PARP11: variants seen among roughly 807,000 people sequenced by gnomAD.
PARP11 encodes the protein poly(ADP-ribose) polymerase family member 11.
Under a neutral mutation model 42.9 loss-of-function variants are expected in PARP11, and 31 were observed. The ratio of observed to expected loss-of-function variants is 0.72; its 90% CI spans 0.54 to 0.98. The LOEUF is 0.98. PARP11 is among the 50% of genes least tolerant of loss of function. The pLI, the probability that PARP11 is intolerant of heterozygous loss-of-function variation, is 0.00. For missense variants in PARP11, 365 were observed against 413.1 expected, an observed-to-expected ratio of 0.88 and a Z score of 1.01; for synonymous variants, 137 against 127.3, an observed-to-expected ratio of 1.08 and a Z score of -0.51.
At chr12:3,851,887 A>G (rs569421609) in intron 1 of PARP11, among the ~76,000 whole-genome samples, 47 of 152,280 alleles carry the variant, frequency 3.1e-4, no homozygotes, top group Admixed American at 2.8e-3. Flanking sequence ...ATACAGTCGG[A>G]TGCCCCTCTG....
chr12:3,872,293 T>A (rs76968637), intron 1 of PARP11, among the ~76,000 whole-genome samples: 59 of 152,288 alleles, frequency 3.9e-4, no homozygotes, highest in African/African-American at 1.3e-3. Context: ...AATAGAGATC[T>A]CCCTGGTCTC....
chr12:3,836,560 A>G (rs552840302), intron 1 of PARP11, among the ~76,000 whole-genome samples: 4 of 152,338 alleles, frequency 2.6e-5, no homozygotes, highest in East Asian at 3.9e-4. Flanking sequence ...GGTAAAAGGT[A>G]TAATTGCTGA....
At chr12:3,849,295 C>T (rs528522242) in intron 1 of PARP11, among the ~76,000 whole-genome samples, 3 of 152,098 alleles carry the variant, frequency 2.0e-5, no homozygotes, top group South Asian at 4.2e-4. Context: ...CCAGCAACTC[C>T]ACGACTGAGT....
chr12:3,825,039 T>G (rs994910369), intron 4 of PARP11, among the ~76,000 whole-genome samples: 1 of 151,428 alleles, frequency 6.6e-6, no homozygotes, highest in Non-Finnish European at 1.5e-5. Context: ...TTAAAATATT[T>G]CTTTCTTTAA....
In PARP11 at chr12:3,846,752, G is replaced by A. The variant is rs1421606766; in HGVS notation, c.19-16734C>T. Among the ~76,000 whole-genome samples, 18 of 136,428 alleles carry A rather than the reference G, an allele frequency of 1.3e-4. 1 individual carries two copies. The South Asian group carries it at 1.8e-3, about 13-fold the overall frequency. 89.5% of individuals were successfully genotyped at this position (136,428 alleles called of 152,430 possible). ...AGCCTGGGCAACAGAGCGAGACTCC[G>A]TCTTAAAAAAAAAAAAAAAGAAAAG... On this transcript the variant is annotated intron_variant, in intron 1 of 7. Transcript: ENST00000228820.
chr12:3,872,974 C>A (rs1306751226), intron 1 of PARP11: 1 of 190,342 alleles, frequency 5.3e-6, no homozygotes, highest in Admixed American at 6.5e-5. Flanking sequence ...TGAAACATCA[C>A]GGGAAGTAAA....
intron 1 of PARP11, among the ~76,000 whole-genome samples, chr12:3,868,436 G>T (rs1455334791): frequency 6.6e-6 from 1 of 152,120 alleles, no homozygotes; most frequent in African/African-American, 2.4e-5. Flanking sequence ...CTCCAGCTTG[G>T]GTGACAGACT....
chr12:3,831,260 T>C (rs1331666825), intron 1 of PARP11, among the ~76,000 whole-genome samples: 3 of 152,018 alleles, frequency 2.0e-5, no homozygotes, highest in African/African-American at 7.2e-5. Flanking sequence ...TCTCTCTCTC[T>C]CACTCTGTTT....
rs1947132753 is a variant in PARP11, at chr12:3,809,767, G to A, written c.*2356C>T. On this transcript the variant is annotated 3_prime_UTR_variant, in exon 8 of 8. Coordinates refer to ENST00000228820, the MANE Select transcript of PARP11 (RefSeq NM_020367.6). ...CTCTAACATTGTTTTTTGTGAACGG[G>A]TTTAGAGCCATGGTATGCTGCCTCT... The A allele has an allele frequency of 6.6e-6, 1 of 152,156 alleles. No homozygotes were observed. The allele number at this position is 152,156 out of a possible 1,614,324, so 9.4% of individuals were successfully genotyped here.
At chr12:3,839,152 G>GGCCGCCGCCGCCGCCTGCCGCCT (rs1947832639) in intron 1 of PARP11, among the ~76,000 whole-genome samples, 1 of 149,164 alleles carries the variant, frequency 6.7e-6, no homozygotes, top group Non-Finnish European at 1.5e-5. Context: ...CGCTGCCTCG[G>GGCCGCCGCCGCCGCCTGCCGCCT]GCCGCCGCCG....
intron 1 of PARP11, among the ~76,000 whole-genome samples, chr12:3,838,047 T>TCAA (rs113625533): frequency 6.9e-6 from 1 of 145,430 alleles, no homozygotes; most frequent in African/African-American, 2.6e-5. Flanking sequence ...AGCCAGAAAA[T>TCAA]CAACAACAAC....
Position 3,817,266 on chromosome 12 carries a change from G to C in PARP11, c.549-3078C>G, listed in dbSNP as rs942104197. Among the ~76,000 whole-genome samples, 43 of 152,062 alleles carry C rather than the reference G, an allele frequency of 2.8e-4. 1 individual carries two copies. Among genetic ancestry groups the C allele is most frequent in the African/African-American group, 8.2e-4 (34 of 41,378 alleles). ...AATCTCGGTTTGAAAATTCACTGGA[G>C]TTTCTCTTAGATATTATAAATAAAC... On this transcript the variant is annotated intron_variant, in intron 6 of 7. Coordinates refer to ENST00000228820, the MANE Select transcript of PARP11 (RefSeq NM_020367.6).
chr12:3,857,603 A>G (rs904037672), intron 1 of PARP11, among the ~76,000 whole-genome samples: 3 of 152,120 alleles, frequency 2.0e-5, no homozygotes, highest in Admixed American at 6.6e-5. Flanking sequence ...CACTGTATTC[A>G]AGGAGTAAAT....
chr12:3,849,409 A>C (rs1285459638), intron 1 of PARP11, among the ~76,000 whole-genome samples: 1 of 152,234 alleles, frequency 6.6e-6, no homozygotes, highest in Non-Finnish European at 1.5e-5. Context: ...CAACCTAAGT[A>C]TCCATCCATG....
chr12:3,823,456 G>C (rs1366512333), intron 4 of PARP11, among the ~76,000 whole-genome samples: 2 of 152,266 alleles, frequency 1.3e-5, no homozygotes, highest in Admixed American at 1.3e-4. Context: ...ACAGTGCATA[G>C]AGAGCATCAT....
rs118120762 is a variant in PARP11 at position 3,845,636 on chromosome 12, C to T, written c.19-15618G>A. ...CACTCTAGTGTAGCTGAAGAGAATACGTATTTGGCTACACTATTTCTGTGT... is the reference window on the plus strand; with the variant it reads ...CACTCTAGTGTAGCTGAAGAGAATATGTATTTGGCTACACTATTTCTGTGT... On this transcript the variant is annotated intron_variant, in intron 1 of 7. Coordinates refer to ENST00000228820, the MANE Select transcript of PARP11 (RefSeq NM_020367.6). Among the ~76,000 whole-genome samples, 56 of 152,274 alleles carry T rather than the reference C, an allele frequency of 3.7e-4. No homozygotes were observed. In the East Asian group the frequency reaches 9.2e-3, roughly 25 times the overall value.
chr12:3,814,745 G>C (rs1215383041), intron 6 of PARP11, among the ~76,000 whole-genome samples: 1 of 151,572 alleles, frequency 6.6e-6, no homozygotes, highest in Non-Finnish European at 1.5e-5. Flanking sequence ...GATTGTAACA[G>C]AAAACAAAAA....
chr12:3,835,755 ACT>A (rs1378624324), intron 1 of PARP11, among the ~76,000 whole-genome samples: 2 of 152,176 alleles, frequency 1.3e-5, no homozygotes, highest in African/African-American at 2.4e-5. Context: ...AAAATGAAAC[ACT>A]CTAGAAAGGC....
chr12:3,862,362 G>T (rs759310927), intron 1 of PARP11, among the ~76,000 whole-genome samples: 3 of 152,000 alleles, frequency 2.0e-5, no homozygotes, highest in Admixed American at 2.0e-4. Flanking sequence ...CAGGCAAGAG[G>T]ATTGCTTGAG....
Sources: gnomAD v4.1 joint callset for allele counts (sites outside exome capture counted in the v4.1 genomes callset) on GRCh38, gnomAD v4.1.1 for gene constraint, MANE v1.5 for transcripts, NCBI Gene and HGNC (gene_info 2026-07-23, HGNC 2026-07-21) for gene names.